Variants in CBFA2T3 observed in about 807,000 individuals in gnomAD.
The protein encoded by CBFA2T3 is CBFA2/RUNX1 partner transcriptional co-repressor 3, also known as transcriptional corepressor CBFA2T3.
A neutral mutation model predicts 58.6 loss-of-function variants in CBFA2T3; 31 were observed. The observed-to-expected ratio is 0.53, with a 90% CI of 0.40 to 0.71. The LOEUF is 0.71. Among genes scored for constraint, CBFA2T3 ranks in the 30% least tolerant of loss-of-function variants. The pLI is 0.00. For synonymous variants in CBFA2T3, 531 were observed against 421.9 expected (o/e 1.26, Z -3.17); for missense variants, 1,076 against 963.1 (o/e 1.12, Z -1.55).
At chr16:88,951,743 A>C (rs1266118010) in intron 1 of CBFA2T3, among the ~76,000 whole-genome samples, 1 of 152,088 alleles carries the variant, frequency 6.6e-6, no homozygotes, top group Non-Finnish European at 1.5e-5. Flanking sequence ...CTTCCCTGGG[A>C]GTTTTTGAAC....
intron 1 of CBFA2T3, among the ~76,000 whole-genome samples, chr16:88,975,837 G>A (rs901968035): frequency 5.3e-5 from 8 of 152,266 alleles, no homozygotes; most frequent in African/African-American, 1.7e-4. Flanking sequence ...CTCGGTCCCG[G>A]GTTCTGTGTG....
At chr16:88,954,464 G>C (rs7500378) in intron 1 of CBFA2T3, among the ~76,000 whole-genome samples, 76 of 109,894 alleles carry the variant, frequency 6.9e-4, no homozygotes, top group Admixed American at 1.4e-3. Flanking sequence ...CCAGCCAAGT[G>C]TCCTGACCCC....
chr16:88,971,180 G>A (rs1244757091), intron 1 of CBFA2T3, among the ~76,000 whole-genome samples: 2 of 152,108 alleles, frequency 1.3e-5, no homozygotes, highest in African/African-American at 2.4e-5. Context: ...CGCAATCTTG[G>A]CTCACTGCAA....
chr16:88,884,723 G>A (rs1237892797), intron 7 of CBFA2T3: 4 of 277,098 alleles, frequency 1.4e-5, no homozygotes, highest in Admixed American at 1.0e-4. Flanking sequence ...GGTGACAGAG[G>A]AGGAAACTGA....
At chr16:88,912,628 G>A (rs912158891) in intron 1 of CBFA2T3, among the ~76,000 whole-genome samples, 4 of 152,204 alleles carry the variant, frequency 2.6e-5, no homozygotes, top group Admixed American at 6.5e-5. Flanking sequence ...GTTGGTCCTC[G>A]TGTTTACGCC....
At chr16:88,967,636 G>A (rs1474346393) in intron 1 of CBFA2T3, among the ~76,000 whole-genome samples, 1 of 151,938 alleles carries the variant, frequency 6.6e-6, no homozygotes. Flanking sequence ...TAAAGAAGAG[G>A]GAAGGAAGGA....
chr16:88,894,174 CACAT>C (rs1969769280), intron 3 of CBFA2T3, among the ~76,000 whole-genome samples: 1 of 151,056 alleles, frequency 6.6e-6, no homozygotes, highest in African/African-American at 2.4e-5. Context: ...CATGCACACA[CACAT>C]GCATACATAT....
chr16:88,881,181 C>T (rs571514560), intron 9 of CBFA2T3, 110 bp downstream of exon 9: 45 of 1,013,972 alleles, frequency 4.4e-5, no homozygotes, highest in African/African-American at 3.1e-4. Context: ...CTTTCTCAAG[C>T]GAAACTGTTC....
chr16:88,894,917 G>A (rs531789989), intron 3 of CBFA2T3, among the ~76,000 whole-genome samples: 79 of 152,224 alleles, frequency 5.2e-4, no homozygotes, highest in African/African-American at 1.7e-3. Flanking sequence ...CTGGGCAGCC[G>A]GCAGGCACCA....
chr16:88,914,675 C>T (rs541468234), intron 1 of CBFA2T3, among the ~76,000 whole-genome samples: 12 of 152,330 alleles, frequency 7.9e-5, no homozygotes, highest in African/African-American at 2.2e-4. Context: ...GGTGCCCTGA[C>T]CCTCTGCCCT....
chr16:88,897,615 C>T (rs74894923), intron 3 of CBFA2T3, among the ~76,000 whole-genome samples: 1,684 of 152,314 alleles, frequency 0.011, 33 homozygotes, highest in African/African-American at 0.037. Flanking sequence ...ATGATGACTT[C>T]CATTTTACAG....
intron 1 of CBFA2T3, among the ~76,000 whole-genome samples, chr16:88,917,812 G>A (rs1466321970): frequency 6.7e-6 from 1 of 148,812 alleles, no homozygotes; most frequent in Non-Finnish European, 1.5e-5. Flanking sequence ...ACATGCAGAC[G>A]AGAGTGTGCG....
At position 88,885,875 on chromosome 16, in the gene CBFA2T3, G is replaced by A. The variant is rs1335390556; in HGVS notation, c.893+86C>T. 15 of 1,227,876 alleles carry A rather than the reference G, an allele frequency of 1.2e-5. No individual in the cohort carries two copies. The highest frequency in any genetic ancestry group is 5.5e-5 in the South Asian group (4 of 72,980). 76.1% of individuals were successfully genotyped at this position (1,227,876 alleles called of 1,614,324 possible). On this transcript the variant is annotated intron_variant, in intron 6 of 11. Coordinates refer to ENST00000268679, the MANE Select transcript of CBFA2T3 (RefSeq NM_005187.6). This position sits in a 1 kb window ranked among gnomAD's most constrained non-coding sequence, Gnocchi z 5.3. ...GGCCGGGCTGGCTGCAGCCCCAGAG[G>A]AGGTTCCCTCTCTTACCCAGAGGGG...
intron 1 of CBFA2T3, among the ~76,000 whole-genome samples, chr16:88,916,940 G>T (rs1309067186): frequency 6.6e-6 from 1 of 151,792 alleles, no homozygotes; most frequent in Non-Finnish European, 1.5e-5. Flanking sequence ...CAGAAGCACG[G>T]ATTCTTTTAG....
chr16:88,904,763 C>T (rs888100457), intron 1 of CBFA2T3, among the ~76,000 whole-genome samples: 1 of 152,160 alleles, frequency 6.6e-6, no homozygotes, highest in African/African-American at 2.4e-5. Context: ...TGGGACCTCA[C>T]GGGTGTCTGT....
At chr16:88,972,790 T>C (rs928850538) in intron 1 of CBFA2T3, among the ~76,000 whole-genome samples, 14 of 152,064 alleles carry the variant, frequency 9.2e-5, no homozygotes, top group South Asian at 4.1e-4. Flanking sequence ...CCCAACACCA[T>C]GTGGTCAACA....
rs1437839872 is a variant in CBFA2T3 at position 88,885,764 on chromosome 16, G to C, written c.893+197C>G. The C allele has an allele frequency of 3.4e-6, 2 of 579,958 alleles. No individual in the cohort carries two copies. The highest frequency in any genetic ancestry group is 3.8e-5 in the African/African-American group (2 of 52,646). 35.9% of individuals were successfully genotyped at this position (579,958 alleles called of 1,614,324 possible). A position where few individuals can be genotyped will look rare whatever the true frequency, so the allele number is the denominator to read the frequency against. On this transcript the variant is annotated intron_variant, in intron 6 of 11. Coordinates refer to ENST00000268679, the MANE Select transcript of CBFA2T3 (RefSeq NM_005187.6). The surrounding 1 kb of genome is among the most constrained non-coding windows in gnomAD (Gnocchi z 5.3). ...TAGGCTCCCCGGAGCATCTGAGTCT[G>C]CAGCCCACTGGGGTGTCCGCCCGTG... is the stretch of plus-strand genomic sequence containing the variant.
chr16:88,941,636 G>T (rs1971737363), intron 1 of CBFA2T3: 1 of 147,638 alleles, frequency 6.8e-6, no homozygotes, highest in Non-Finnish European at 1.5e-5. Context: ...CTCCTGCGGG[G>T]GGCGGCGCGG....
chr16:88,915,316 CCTAT>C (rs1437038916), intron 1 of CBFA2T3, among the ~76,000 whole-genome samples: 9 of 126,370 alleles, frequency 7.1e-5, no homozygotes, highest in Admixed American at 4.1e-4. Flanking sequence ...TCTGGGTCTG[CCTAT>C]CTGAGTGAAT....
Sources: allele counts gnomAD v4.1 joint callset (sites outside exome capture counted in the v4.1 genomes callset), GRCh38; gene constraint gnomAD v4.1.1; non-coding constraint Gnocchi (gnomAD v3.1); transcripts MANE v1.5; gene names NCBI Gene and HGNC (gene_info 2026-07-23, HGNC 2026-07-21).